Variants in KCNJ6 observed in about 807,000 individuals in gnomAD.
The protein encoded by KCNJ6 is G protein-activated inward rectifier potassium channel 2.
Under a neutral mutation model 34.2 loss-of-function variants are expected in KCNJ6, and 9 were observed. That is an observed-to-expected ratio of 0.26 (90% CI 0.16 to 0.46). The LOEUF is 0.46. KCNJ6 is among the 20% of genes least tolerant of loss of function. The probability of loss-of-function intolerance (pLI) is 1.00; values close to 1 mark genes in which losing one functional copy is unlikely to be tolerated. For synonymous variants in KCNJ6, 196 were observed against 207.1 expected (o/e 0.95, Z 0.46); for missense variants, 236 against 531.3 (o/e 0.44, Z 5.46).
At chr21:37,832,759 G>A (rs1456475834) in intron 2 of KCNJ6, among the ~76,000 whole-genome samples, 1 of 152,114 alleles carries the variant, frequency 6.6e-6, no homozygotes, top group Admixed American at 6.5e-5. Context: ...CTTAGCCAGT[G>A]GGGGCTCCAC....
Position 37,691,601 on chromosome 21 carries a change from A to C in KCNJ6, c.946+22610T>G, listed in dbSNP as rs147343758. On this transcript the variant is annotated intron_variant, in intron 3 of 3. Coordinates refer to ENST00000609713, the MANE Select transcript of KCNJ6 (RefSeq NM_002240.5). Reference sequence around the variant, plus strand: ...GATTCACAGTTTGGCTTCTGGCTAGAATGGTTTCCAGGAACATCTTCAGCC... The same window carrying C: ...GATTCACAGTTTGGCTTCTGGCTAGCATGGTTTCCAGGAACATCTTCAGCC... Among the ~76,000 whole-genome samples the C allele has an allele frequency of 9.2e-5, 14 of 152,326 alleles. No homozygotes were observed. In the East Asian group the frequency reaches 1.9e-3, roughly 21 times the overall value.
At chr21:37,873,264 T>C (rs2055661413) in intron 1 of KCNJ6, among the ~76,000 whole-genome samples, 1 of 152,202 alleles carries the variant, frequency 6.6e-6, no homozygotes, top group Non-Finnish European at 1.5e-5. Context: ...TGGCTGTCAT[T>C]GATTCCAGCT....
At chr21:37,903,057 T>G (rs1382925447) in intron 1 of KCNJ6, among the ~76,000 whole-genome samples, 1 of 152,170 alleles carries the variant, frequency 6.6e-6, no homozygotes, top group African/African-American at 2.4e-5. Flanking sequence ...CGATTTGTTC[T>G]CAGGGGCTAA....
chr21:37,808,511 T>C (rs953527014), intron 2 of KCNJ6, among the ~76,000 whole-genome samples: 1 of 152,242 alleles, frequency 6.6e-6, no homozygotes, highest in Non-Finnish European at 1.5e-5. Context: ...TGCCTGGCCT[T>C]GAGTGCACTT....
chr21:37,683,758 G>T (rs759306385), intron 3 of KCNJ6, among the ~76,000 whole-genome samples: 2 of 152,190 alleles, frequency 1.3e-5, no homozygotes, highest in Admixed American at 1.3e-4. Flanking sequence ...CCACAGAGCT[G>T]GGGTCTGGAC....
At chr21:37,878,276 T>A (rs1392600232) in intron 1 of KCNJ6, among the ~76,000 whole-genome samples, 1 of 152,076 alleles carries the variant, frequency 6.6e-6, no homozygotes, top group African/African-American at 2.4e-5. Context: ...TTTTTTTTTT[T>A]AAAGAATTAC....
intron 3 of KCNJ6, among the ~76,000 whole-genome samples, chr21:37,657,760 G>C (rs1253781575): frequency 1.3e-5 from 2 of 152,254 alleles, no homozygotes; most frequent in African/African-American, 4.8e-5. Context: ...AGAAGAGGTA[G>C]TAGAGAAAGT....
chr21:37,806,087 G>C (rs556645244), intron 2 of KCNJ6, among the ~76,000 whole-genome samples: 1 of 152,192 alleles, frequency 6.6e-6, no homozygotes, highest in African/African-American at 2.4e-5. Context: ...TTTGTTGAGT[G>C]AATTACTCTT....
rs905761238 is a variant in KCNJ6 at position 37,621,408 on chromosome 21, T to C, written c.*3751A>G. ...CACCTTTGTAAGCAGTTTCTAAATATCCCAAAGACACTGGCTTAAATCTAA... is the reference window on the plus strand; with the variant it reads ...CACCTTTGTAAGCAGTTTCTAAATACCCCAAAGACACTGGCTTAAATCTAA... On this transcript the variant is annotated 3_prime_UTR_variant, in exon 4 of 4. Coordinates refer to ENST00000609713, the MANE Select transcript of KCNJ6 (RefSeq NM_002240.5). The C allele has an allele frequency of 6.6e-5, 10 of 152,212 alleles. No individual in the cohort carries two copies. Among genetic ancestry groups the C allele is most frequent in the African/African-American group, 2.2e-4 (9 of 41,516 alleles). The allele number at this position is 152,212 out of a possible 1,614,324, so 9.4% of individuals were successfully genotyped here.
At chr21:37,882,479 C>G (rs145250331) in intron 1 of KCNJ6, among the ~76,000 whole-genome samples, 139 of 152,330 alleles carry the variant, frequency 9.1e-4, no homozygotes, top group Non-Finnish European at 1.7e-3. Context: ...CTTCAATGCT[C>G]CTTTATGTGC....
At chr21:37,709,270 G>C (rs1271628967) in intron 3 of KCNJ6, among the ~76,000 whole-genome samples, 1 of 152,046 alleles carries the variant, frequency 6.6e-6, no homozygotes, top group Non-Finnish European at 1.5e-5. Flanking sequence ...CCAGCACTTT[G>C]GGAGGCCAAG....
At chr21:37,892,991 T>G (rs1235759216) in intron 1 of KCNJ6, among the ~76,000 whole-genome samples, 1 of 151,678 alleles carries the variant, frequency 6.6e-6, no homozygotes, top group Non-Finnish European at 1.5e-5. Context: ...TAGCTGGGAC[T>G]ACAGGCGCCC....
At position 37,676,468 on chromosome 21, in the gene KCNJ6, C is replaced by T. The variant is rs571450772; in HGVS notation, c.946+37743G>A. On this transcript the variant is annotated intron_variant, in intron 3 of 3. Coordinates refer to ENST00000609713, the MANE Select transcript of KCNJ6 (RefSeq NM_002240.5). ...GGGTGAAGCAATGAAGTGGACAGCC[C>T]AGTGCCTTGTGGAAGGGACACCAGG... Among the ~76,000 whole-genome samples the T allele has an allele frequency of 3.5e-3, 527 of 152,356 alleles. 3 individuals carry two copies. The highest frequency in any genetic ancestry group is 0.012 in the African/African-American group (489 of 41,578).
chr21:37,644,838 G>A (rs924399640), intron 3 of KCNJ6, among the ~76,000 whole-genome samples: 2 of 152,158 alleles, frequency 1.3e-5, no homozygotes, highest in Non-Finnish European at 2.9e-5. Context: ...CCTTGAGCGT[G>A]TTTTAAATTC....
rs8129899 is a variant in KCNJ6 at position 37,618,127 on chromosome 21, T to C, written c.*7032A>G. The C allele has an allele frequency of 1.3e-5, 2 of 152,274 alleles. No individual in the cohort carries two copies. Among genetic ancestry groups the C allele is most frequent in the Non-Finnish European group, 2.9e-5 (2 of 68,096 alleles). 9.4% of individuals were successfully genotyped at this position (152,274 alleles called of 1,614,324 possible). A position where few individuals can be genotyped will look rare whatever the true frequency, so the allele number is the denominator to read the frequency against. On this transcript the variant is annotated 3_prime_UTR_variant, in exon 4 of 4. Transcript: ENST00000609713. ...CAGTCAGCAATGCTGAGAGATGATG[T>C]CAGGGCGATGCCCGTGATGGCCGGA...
intron 3 of KCNJ6, among the ~76,000 whole-genome samples, chr21:37,682,229 C>T (rs2054593747): frequency 6.6e-6 from 1 of 152,152 alleles, no homozygotes; most frequent in Non-Finnish European, 1.5e-5. Context: ...TCAGGGTGTC[C>T]TCAGGGCTGT....
At chr21:37,894,081 C>T (rs940655151) in intron 1 of KCNJ6, among the ~76,000 whole-genome samples, 5 of 152,196 alleles carry the variant, frequency 3.3e-5, no homozygotes, top group Admixed American at 6.5e-5. Flanking sequence ...CTTGCTTAAC[C>T]ATTCAACAAA....
chr21:37,840,694 C>G lies in KCNJ6; in HGVS notation c.-12G>C. On this transcript the variant is annotated 5_prime_UTR_variant, in exon 2 of 4. Coordinates refer to ENST00000609713, the MANE Select transcript of KCNJ6 (RefSeq NM_002240.5). ...GTCAGCTTGGCCATTGTTGCAGTTT[C>G]TTCTTTGTGCTTTTCCTGGAGGTGA... 6.3e-7 allele frequency: 1 copy of G among 1,587,294 alleles called. No homozygotes were observed. Among genetic ancestry groups the G allele is most frequent in the Non-Finnish European group, 8.6e-7 (1 of 1,158,422 alleles).
At chr21:37,882,440 T>C (rs981139581) in intron 1 of KCNJ6, among the ~76,000 whole-genome samples, 4 of 152,224 alleles carry the variant, frequency 2.6e-5, no homozygotes, top group African/African-American at 9.6e-5. Context: ...AGGAAACCAC[T>C]GCATGACTGG....
Sources: gnomAD v4.1 joint callset for allele counts (sites outside exome capture counted in the v4.1 genomes callset) on GRCh38, gnomAD v4.1.1 for gene constraint, MANE v1.5 for transcripts, NCBI Gene and HGNC (gene_info 2026-07-23, HGNC 2026-07-21) for gene names.